The following TSPAN18 variants were observed in gnomAD, a reference collection of about 807,000 sequenced individuals.
TSPAN18 encodes tetraspanin-18.
Under a neutral mutation model 27.3 loss-of-function variants are expected in TSPAN18, and 14 were observed. The observed-to-expected ratio is 0.51, with a 90% CI of 0.34 to 0.80. TSPAN18 has a LOEUF of 0.80. Among genes scored for constraint, TSPAN18 ranks in the 30% least tolerant of loss-of-function variants. The pLI is 0.01. For synonymous variants in TSPAN18, 143 were observed against 136.5 expected, an observed-to-expected ratio of 1.05 and a Z score of -0.33; for missense variants, 268 against 323.9, an observed-to-expected ratio of 0.83 and a Z score of 1.32.
chr11:44,829,760 A>G (rs1857117271), intron 2 of TSPAN18, among the ~76,000 whole-genome samples: 1 of 151,846 alleles, frequency 6.6e-6, no homozygotes, highest in Non-Finnish European at 1.5e-5. Flanking sequence ...AAGCTGCTAA[A>G]CTCTCTTCCA....
At chr11:44,735,869 G>A (rs1334849463) in intron 1 of TSPAN18, among the ~76,000 whole-genome samples, 13 of 151,920 alleles carry the variant, frequency 8.6e-5, no homozygotes, top group Non-Finnish European at 1.6e-4. Context: ...TGCCCGCCTC[G>A]GCCTCCCAAA....
chr11:44,853,989 C>A (rs2135195236), intron 2 of TSPAN18, among the ~76,000 whole-genome samples: 1 of 152,278 alleles, frequency 6.6e-6, no homozygotes, highest in South Asian at 2.1e-4. Flanking sequence ...AATTAGCAAA[C>A]CCTCGGCAAT....
intron 2 of TSPAN18, among the ~76,000 whole-genome samples, chr11:44,838,663 C>T (rs1358103702): frequency 2.6e-5 from 4 of 152,158 alleles, no homozygotes; most frequent in Admixed American, 2.6e-4. Context: ...CTGGCCGCTG[C>T]TGGCTCTGAA....
At chr11:44,893,277 C>T (rs981492496) in intron 3 of TSPAN18, among the ~76,000 whole-genome samples, 10 of 152,162 alleles carry the variant, frequency 6.6e-5, no homozygotes, top group Non-Finnish European at 1.0e-4. Flanking sequence ...CTCCATGAGC[C>T]GGCGGGGGCA....
At chr11:44,861,324 A>G (rs1483843398) in intron 3 of TSPAN18, among the ~76,000 whole-genome samples, 1 of 141,596 alleles carries the variant, frequency 7.1e-6, no homozygotes, top group African/African-American at 2.6e-5. Flanking sequence ...AATCACTGAA[A>G]CCTGGAGGAT....
intron 3 of TSPAN18, among the ~76,000 whole-genome samples, chr11:44,882,627 C>CAGACACACACACAG (rs1858526356): frequency 7.7e-6 from 1 of 130,608 alleles, no homozygotes; most frequent in African/African-American, 3.0e-5. Context: ...CACACACACA[C>CAGACACACACACAG]AGAGAGAGAG....
intron 2 of TSPAN18, among the ~76,000 whole-genome samples, chr11:44,778,385 G>A (rs1170371697): frequency 6.6e-6 from 1 of 152,116 alleles, no homozygotes; most frequent in Non-Finnish European, 1.5e-5. Context: ...TTTCCCCGCA[G>A]ACATCACCAA....
intron 2 of TSPAN18, among the ~76,000 whole-genome samples, chr11:44,839,505 G>A (rs1487032911): frequency 6.6e-6 from 1 of 151,866 alleles, no homozygotes; most frequent in Non-Finnish European, 1.5e-5. Context: ...GTCTTCCTCT[G>A]TCCCACCTGC....
intron 2 of TSPAN18, among the ~76,000 whole-genome samples, chr11:44,851,848 C>T (rs912911189): frequency 5.9e-5 from 9 of 152,176 alleles, no homozygotes; most frequent in African/African-American, 2.2e-4. Flanking sequence ...CGCTGTTATC[C>T]ATTCATTCAG....
chr11:44,906,969 G>A (rs10838385), intron 4 of TSPAN18, among the ~76,000 whole-genome samples: 3,618 of 152,318 alleles, frequency 0.024, 125 homozygotes, highest in East Asian at 0.13. Context: ...AGCAGCTTGT[G>A]ATTTGAGACA....
chr11:44,852,438 C>T (rs1079147), intron 2 of TSPAN18, among the ~76,000 whole-genome samples: 14,691 of 152,254 alleles, frequency 0.096, 1,923 homozygotes, highest in East Asian at 0.56. Context: ...GACTCCAACA[C>T]CAGCACTCTG....
At chr11:44,882,583 G>GACACACACAC (rs1430057154) in intron 3 of TSPAN18, among the ~76,000 whole-genome samples, 1 of 59,284 alleles carries the variant, frequency 1.7e-5, no homozygotes, top group African/African-American at 7.5e-5. Flanking sequence ...TGGTCAGAGA[G>GACACACACAC]AGAGACACAC....
chr11:44,911,608 A>G (rs1274085035), intron 5 of TSPAN18, among the ~76,000 whole-genome samples: 1 of 152,164 alleles, frequency 6.6e-6, no homozygotes, highest in Non-Finnish European at 1.5e-5. Context: ...TGGGTCCCAG[A>G]ACAGACCCAG....
In TSPAN18 at chr11:44,798,166, C is replaced by T. The variant is rs574406070; in HGVS notation, c.-153+33654C>T. Among the ~76,000 whole-genome samples, 3 of 152,312 alleles carry T rather than the reference C, an allele frequency of 2.0e-5. No individual in the cohort carries two copies. The South Asian group carries it at 6.2e-4, about 32-fold the overall frequency. ...TCAGAGAGGCCCGTGCCCTCCCACA[C>T]TCAGCTCTTAGGAAATCACTATCTG... On this transcript the variant is annotated intron_variant, in intron 2 of 9. Transcript: ENST00000520358.
chr11:44,918,361 C>T (rs529574809), intron 6 of TSPAN18, among the ~76,000 whole-genome samples: 21 of 152,240 alleles, frequency 1.4e-4, no homozygotes, highest in African/African-American at 3.9e-4. Flanking sequence ...TCAGAATAGT[C>T]GGAGAGGCTG....
chr11:44,731,539 A>G (rs1854654610), intron 1 of TSPAN18, among the ~76,000 whole-genome samples: 1 of 150,500 alleles, frequency 6.6e-6, no homozygotes, highest in Non-Finnish European at 1.5e-5. Context: ...CATTATTACT[A>G]TTATTGTAAA....
chr11:44,858,581 C>T (rs567903312), intron 2 of TSPAN18, among the ~76,000 whole-genome samples: 11 of 152,292 alleles, frequency 7.2e-5, no homozygotes, highest in African/African-American at 2.6e-4. Context: ...ACAGATGTCA[C>T]CTCCTTCTCA....
At chr11:44,913,003 A>G (rs1458789430) in intron 5 of TSPAN18, among the ~76,000 whole-genome samples, 1 of 151,998 alleles carries the variant, frequency 6.6e-6, no homozygotes, top group Non-Finnish European at 1.5e-5. Context: ...AAAAAGGTTT[A>G]TGCCCTAAAA....
At chr11:44,856,304 C>T (rs1353146350) in intron 2 of TSPAN18, among the ~76,000 whole-genome samples, 1 of 152,110 alleles carries the variant, frequency 6.6e-6, no homozygotes, top group Non-Finnish European at 1.5e-5. Flanking sequence ...AACCATACAC[C>T]CCTTGCCTTC....
Sources: allele counts gnomAD v4.1 joint callset (sites outside exome capture counted in the v4.1 genomes callset), GRCh38; gene constraint gnomAD v4.1.1; transcripts MANE v1.5; gene names NCBI Gene and HGNC (gene_info 2026-07-23, HGNC 2026-07-21).